Variants in AKAP19 observed in about 807,000 individuals in gnomAD.
AKAP19 encodes the protein small A-kinase anchoring protein.
the AKAP19 span, chr2:190,057,284 C>T: frequency 6.2e-7 from 1 of 1,613,266 alleles, no homozygotes; most frequent in East Asian, 2.2e-5. Flanking sequence ...CGGTCTACTA[C>T]CATCGCTGGA....
chr2:190,160,980 A>T, the AKAP19 span, among the ~76,000 whole-genome samples: 3 of 152,176 alleles, frequency 2.0e-5, no homozygotes, highest in African/African-American at 7.2e-5. Flanking sequence ...GTCTTAGATG[A>T]TTCATTAGAA....
chr2:190,048,658 C>G, the AKAP19 span, among the ~76,000 whole-genome samples: 1 of 152,200 alleles, frequency 6.6e-6, no homozygotes, highest in Admixed American at 6.5e-5. Context: ...CCCAAGGCAA[C>G]TTGGAAGTGT....
chr2:190,085,664 T>C, the AKAP19 span, among the ~76,000 whole-genome samples: 1 of 152,330 alleles, frequency 6.6e-6, no homozygotes, highest in East Asian at 1.9e-4. Context: ...ATGAGCACGT[T>C]GTAGATGTTA....
chr2:190,161,907 C>A, the AKAP19 span, among the ~76,000 whole-genome samples: 113,623 of 152,058 alleles, frequency 0.75, 43,527 homozygotes, highest in East Asian at 0.99. Context: ...CACTGCCAGA[C>A]AAAAGAACAT....
At chr2:189,883,053 A>C in the AKAP19 span, among the ~76,000 whole-genome samples, 1 of 152,034 alleles carries the variant, frequency 6.6e-6, no homozygotes, top group Admixed American at 6.6e-5. Context: ...TAATGTAGAG[A>C]TATTTTCTCT....
At chr2:190,166,666 CATTT>C in the AKAP19 span, among the ~76,000 whole-genome samples, 1 of 151,786 alleles carries the variant, frequency 6.6e-6, no homozygotes, top group Non-Finnish European at 1.5e-5. Context: ...GTAGAGAAAC[CATTT>C]GCTTATCTCT....
the AKAP19 span, among the ~76,000 whole-genome samples, chr2:190,125,940 A>G: frequency 6.6e-6 from 1 of 152,104 alleles, no homozygotes; most frequent in Admixed American, 6.5e-5. Flanking sequence ...ACCTTTTTAA[A>G]AACAATAATG....
the AKAP19 span, chr2:190,180,625 C>T: frequency 1.0e-6 from 1 of 985,728 alleles, no homozygotes; most frequent in Non-Finnish European, 1.2e-6. This position sits in a 1 kb window ranked among gnomAD's most constrained non-coding sequence, Gnocchi z 6.8. Flanking sequence ...CAGCCCAGCT[C>T]CGCTCCGCCC....
chr2:190,165,092 A>G, the AKAP19 span, among the ~76,000 whole-genome samples: 1 of 152,230 alleles, frequency 6.6e-6, no homozygotes, highest in African/African-American at 2.4e-5. Context: ...ATCTTATAAG[A>G]ACCAGAACCC....
the AKAP19 span, among the ~76,000 whole-genome samples, chr2:189,907,649 G>A: frequency 6.6e-6 from 1 of 152,002 alleles, no homozygotes; most frequent in South Asian, 2.1e-4. Context: ...ACAGAGCAGG[G>A]CATGTAGTAG....
At chr2:189,985,000 G>GA in the AKAP19 span, among the ~76,000 whole-genome samples, 1 of 152,116 alleles carries the variant, frequency 6.6e-6, no homozygotes, top group East Asian at 1.9e-4. Flanking sequence ...CTGTCCTTGG[G>GA]AAAATCTCAA....
the AKAP19 span, among the ~76,000 whole-genome samples, chr2:190,054,024 A>G: frequency 2.6e-5 from 4 of 152,060 alleles, no homozygotes; most frequent in African/African-American, 9.7e-5. Flanking sequence ...ACTGTTTTGC[A>G]ATTCAGTTTG....
the AKAP19 span, among the ~76,000 whole-genome samples, chr2:189,965,263 C>G: frequency 6.6e-6 from 1 of 151,856 alleles, no homozygotes; most frequent in East Asian, 1.9e-4. Flanking sequence ...TTGTAGCATC[C>G]CAAAACAATT....
chr2:190,099,248 T>A, the AKAP19 span, among the ~76,000 whole-genome samples: 3 of 152,222 alleles, frequency 2.0e-5, no homozygotes, highest in Admixed American at 6.5e-5. Flanking sequence ...GCTTGATCAT[T>A]TCTAGCTTTT....
At chr2:190,140,813 T>C in the AKAP19 span, among the ~76,000 whole-genome samples, 1 of 152,226 alleles carries the variant, frequency 6.6e-6, no homozygotes, top group South Asian at 2.1e-4. Flanking sequence ...TATGCAAATT[T>C]CTGCAACGGG....
At chr2:190,060,365 G>A in the AKAP19 span, 2 of 1,611,658 alleles carry the variant, frequency 1.2e-6, no homozygotes, top group Non-Finnish European at 1.7e-6. Context: ...CTACTTTATT[G>A]TATTGTATTT....
At chr2:190,157,588 A>G in the AKAP19 span, among the ~76,000 whole-genome samples, 1 of 152,172 alleles carries the variant, frequency 6.6e-6, no homozygotes. Context: ...GATAGATTTT[A>G]TATGATTTTT....
At chr2:189,919,937 C>G in the AKAP19 span, among the ~76,000 whole-genome samples, 1 of 152,124 alleles carries the variant, frequency 6.6e-6, no homozygotes, top group South Asian at 2.1e-4. Flanking sequence ...TATAAAGTGG[C>G]AAGTAGCAGC....
chr2:190,098,087 T>C, the AKAP19 span, among the ~76,000 whole-genome samples: 1 of 152,140 alleles, frequency 6.6e-6, no homozygotes, highest in Non-Finnish European at 1.5e-5. Context: ...CTCCTGTGAA[T>C]GTTGAGAGTT....
Sources: allele counts gnomAD v4.1 joint callset (sites outside exome capture counted in the v4.1 genomes callset), GRCh38; gene constraint gnomAD v4.1.1; non-coding constraint Gnocchi (gnomAD v3.1); transcripts MANE v1.5; gene names NCBI Gene and HGNC (gene_info 2026-07-23, HGNC 2026-07-21).